Variants in GRXCR2 observed in about 807,000 individuals in gnomAD.
GRXCR2 encodes glutaredoxin and cysteine rich domain containing 2.
In GRXCR2, 23 loss-of-function variants were observed where a neutral mutation model predicts 24.8. That is an observed-to-expected ratio of 0.93 (90% CI 0.67 to 1.32). The LOEUF is 1.32. Among genes scored for constraint, GRXCR2 ranks in the 40% most tolerant of loss-of-function variants. The pLI is 0.00. For synonymous variants in GRXCR2, 130 were observed against 116.1 expected, an observed-to-expected ratio of 1.12 and a Z score of -0.77; for missense variants, 315 against 303.4, an observed-to-expected ratio of 1.04 and a Z score of -0.28.
At chr5:145,898,448 C>G (rs550598057) in intron 2 of GRXCR2, among the ~76,000 whole-genome samples, 7 of 152,120 alleles carry the variant, frequency 4.6e-5, no homozygotes, top group African/African-American at 1.7e-4. Flanking sequence ...TTCTACAAAG[C>G]CAGCATCACC....
chr5:145,902,090 T>A (rs1757033421), intron 2 of GRXCR2, among the ~76,000 whole-genome samples: 1 of 152,076 alleles, frequency 6.6e-6, no homozygotes, highest in African/African-American at 2.4e-5. Context: ...ATAGCTGATA[T>A]AACCAGTCTT....
At chr5:145,865,195 G>A (rs1048047282) in intron 2 of GRXCR2, among the ~76,000 whole-genome samples, 7 of 152,068 alleles carry the variant, frequency 4.6e-5, no homozygotes, top group Non-Finnish European at 1.0e-4. Context: ...AGCAATCCCA[G>A]GAGATTACAG....
intron 2 of GRXCR2, among the ~76,000 whole-genome samples, chr5:145,919,471 AG>A (rs35024395): frequency 0.021 from 3,192 of 152,290 alleles, 43 homozygotes; most frequent in Middle Eastern, 0.051. Context: ...AGATGACCCC[AG>A]CCCCTCCATT....
At chr5:145,892,469 A>G (rs1561684132) in intron 2 of GRXCR2, among the ~76,000 whole-genome samples, 2 of 152,356 alleles carry the variant, frequency 1.3e-5, no homozygotes, top group East Asian at 3.9e-4. Flanking sequence ...CCATGGCACG[A>G]GAACTACATG....
At chr5:145,922,412 C>G in intron 2 of GRXCR2, among the ~76,000 whole-genome samples, 1 of 152,150 alleles carries the variant, frequency 6.6e-6, no homozygotes, top group East Asian at 1.9e-4. Context: ...TCCAAGGCAC[C>G]ATGTGCTGAC....
intron 1 of GRXCR2, among the ~76,000 whole-genome samples, chr5:145,870,771 T>A (rs969903067): frequency 6.6e-5 from 10 of 152,146 alleles, no homozygotes; most frequent in African/African-American, 2.4e-4. Flanking sequence ...ACTCTCATGC[T>A]CAGAATCTGG....
rs1026078099 is a variant in GRXCR2, at chr5:145,905,867, A to T, written c.-70+29834T>A. On this transcript the variant is annotated intron_variant, in intron 2 of 3. Coordinates refer to the GRXCR2 transcript ENST00000639411. The stretch of plus-strand genomic sequence containing the variant: ...AATAAATAAATAAATGAATGAACAA[A>T]TAGTGGTCCAAGAATAGCACATGGT... 2.0e-5 allele frequency among the ~76,000 whole-genome samples: 3 copies of T among 152,220 alleles called. No homozygotes were observed. The East Asian group carries it at 5.8e-4, about 29-fold the overall frequency.
chr5:145,878,337 T>C (rs1292291624), intron 2 of GRXCR2, among the ~76,000 whole-genome samples: 1 of 152,160 alleles, frequency 6.6e-6, no homozygotes, highest in Non-Finnish European at 1.5e-5. Flanking sequence ...ATAAACAGTG[T>C]AGAGAAGACC....
At chr5:145,897,988 A>C (rs1459225243) in intron 2 of GRXCR2, among the ~76,000 whole-genome samples, 1 of 152,114 alleles carries the variant, frequency 6.6e-6, no homozygotes, top group Non-Finnish European at 1.5e-5. Flanking sequence ...TGAAATTGAG[A>C]CCCAAACATT....
chr5:145,905,413 G>A (rs1040237718), intron 2 of GRXCR2, among the ~76,000 whole-genome samples: 1 of 152,224 alleles, frequency 6.6e-6, no homozygotes, highest in East Asian at 1.9e-4. Context: ...GAGAGAAACT[G>A]TAAGTTTAAG....
intron 2 of GRXCR2, among the ~76,000 whole-genome samples, chr5:145,889,031 G>A (rs1037588113): frequency 7.2e-5 from 11 of 151,844 alleles, no homozygotes; most frequent in East Asian, 3.9e-4. Context: ...AAAACTAGCC[G>A]GGCGTGGTGG....
intron 2 of GRXCR2, among the ~76,000 whole-genome samples, chr5:145,897,367 T>G (rs1444836189): frequency 6.6e-6 from 1 of 151,168 alleles, no homozygotes; most frequent in Non-Finnish European, 1.5e-5. Flanking sequence ...CACTTAATAG[T>G]GGAGAACTTT....
At chr5:145,887,386 T>C (rs1561682525) in intron 2 of GRXCR2, among the ~76,000 whole-genome samples, 1 of 152,252 alleles carries the variant, frequency 6.6e-6, no homozygotes, top group Non-Finnish European at 1.5e-5. Context: ...GTCGCTACCC[T>C]ATTAGACAGC....
At chr5:145,902,884 A>C (rs936693642) in intron 2 of GRXCR2, among the ~76,000 whole-genome samples, 2 of 152,156 alleles carry the variant, frequency 1.3e-5, no homozygotes, top group African/African-American at 4.8e-5. Context: ...GAGACCTTGG[A>C]GGGGTTTGAG....
At chr5:145,886,822 A>G (rs1756786038) in intron 2 of GRXCR2, among the ~76,000 whole-genome samples, 1 of 152,226 alleles carries the variant, frequency 6.6e-6, no homozygotes, top group Admixed American at 6.5e-5. Context: ...AATGTTATCA[A>G]TGCAACATGT....
At chr5:145,866,876 C>T in intron 1 of GRXCR2, 148 bp from the exon 2 acceptor site, 1 of 622,218 alleles carries the variant, frequency 1.6e-6, no homozygotes, top group South Asian at 2.0e-5. Flanking sequence ...AGTCACAGTT[C>T]ATTCCCTGGT....
In GRXCR2 at chr5:145,866,733, A is replaced by G; in HGVS notation, c.337-5T>C. ...AAAATCTATAATAGGTAGGGGCTAG[A>G]GAAATGGAGAATGAGCATGGAAACT... On this transcript the variant is annotated splice_region_variant and splice_polypyrimidine_tract_variant and intron_variant, in intron 1 of 2. Transcript: ENST00000377976. 1 of 1,563,922 alleles carries G rather than the reference A, an allele frequency of 6.4e-7. No homozygotes were observed. The highest frequency in any genetic ancestry group is 8.8e-7 in the Non-Finnish European group (1 of 1,134,806).
In GRXCR2 at chr5:145,866,537, C is replaced by T. The variant is rs751345210; in HGVS notation, c.528G>A (p.Glu176=). The T allele has an allele frequency of 1.9e-5, 30 of 1,614,006 alleles. No homozygotes were observed. The highest frequency in any genetic ancestry group is 2.5e-5 in the Non-Finnish European group (29 of 1,179,982). The part of the protein sequence containing the change: ...GRDQHDRPLV[E]AESTLPQNRY... ...GGTTTTGGGGTAATGTGCTTTCTGC[C>T]TCCACCAAAGGTCTATCGTGCTGGT... Residue 176 remains glutamate (E), a synonymous_variant, in exon 2 of 3, where the codon GAG becomes GAA. Coordinates refer to ENST00000377976, the MANE Select transcript of GRXCR2 (RefSeq NM_001080516.2).
chr5:145,899,416 T>C (rs1040156005), intron 2 of GRXCR2, among the ~76,000 whole-genome samples: 13 of 152,146 alleles, frequency 8.5e-5, no homozygotes, highest in Non-Finnish European at 1.9e-4. Context: ...TATTCTAAAA[T>C]TCATATGGAA....
Sources: gnomAD v4.1 joint callset for allele counts (sites outside exome capture counted in the v4.1 genomes callset) on GRCh38, gnomAD v4.1.1 for gene constraint, MANE v1.5 for transcripts, NCBI Gene and HGNC (gene_info 2026-07-23, HGNC 2026-07-21) for gene names.